Variants in STXBP5L observed in about 807,000 individuals in gnomAD.
The protein encoded by STXBP5L is syntaxin binding protein 5L.
STXBP5L carries 65 observed loss-of-function variants against 144.5 expected under a neutral mutation model. The ratio of observed to expected loss-of-function variants is 0.45; its 90% CI spans 0.37 to 0.55. STXBP5L has a LOEUF of 0.55. STXBP5L is among the 20% of genes least tolerant of loss of function. The pLI, the probability that STXBP5L is intolerant of heterozygous loss-of-function variation, is 0.00. For synonymous variants in STXBP5L, 505 were observed against 469.6 expected (o/e 1.08, Z -0.97); for missense variants, 1,298 against 1,405.5 (o/e 0.92, Z 1.22).
At chr3:121,349,620 G>C (rs1392737330) in intron 20 of STXBP5L, among the ~76,000 whole-genome samples, 1 of 152,190 alleles carries the variant, frequency 6.6e-6, no homozygotes, top group East Asian at 1.9e-4. Flanking sequence ...CTAAGGACTT[G>C]CTTTATGAAT....
At chr3:121,194,008 C>G (rs1249581383) in intron 9 of STXBP5L, among the ~76,000 whole-genome samples, 4 of 151,744 alleles carry the variant, frequency 2.6e-5, no homozygotes, top group African/African-American at 4.8e-5. Context: ...ATTTTAGATG[C>G]TTGCTTTAGT....
intron 26 of STXBP5L, among the ~76,000 whole-genome samples, 184 bp downstream of exon 26, chr3:121,418,741 A>T (rs1441039816): frequency 6.6e-6 from 1 of 150,602 alleles, no homozygotes; most frequent in East Asian, 2.0e-4. Flanking sequence ...TTTTTAAAAA[A>T]ATACTTTAAT....
At chr3:121,369,881 C>T (rs1477078819) in intron 20 of STXBP5L, among the ~76,000 whole-genome samples, 1 of 152,128 alleles carries the variant, frequency 6.6e-6, no homozygotes, top group Non-Finnish European at 1.5e-5. Context: ...TGAATGTTAG[C>T]CTCTCTAGCT....
chr3:121,022,631 C>T (rs1354439461), intron 3 of STXBP5L, among the ~76,000 whole-genome samples: 1 of 151,946 alleles, frequency 6.6e-6, no homozygotes, highest in Non-Finnish European at 1.5e-5. Flanking sequence ...GTGTGATATA[C>T]CACATAAATA....
chr3:121,283,895 T>TGTGTGTG (rs1559934600), intron 19 of STXBP5L, among the ~76,000 whole-genome samples: 1 of 116,168 alleles, frequency 8.6e-6, no homozygotes, highest in African/African-American at 3.4e-5. Context: ...GTGTGTGTGC[T>TGTGTGTG]TGTGTGTGTG....
chr3:121,010,679 ACAGT>A, intron 3 of STXBP5L, among the ~76,000 whole-genome samples: 1 of 152,020 alleles, frequency 6.6e-6, no homozygotes, highest in African/African-American at 2.4e-5. Flanking sequence ...AATAACATAA[ACAGT>A]CAATTAATAC....
At chr3:121,306,508 A>C (rs540326183) in intron 19 of STXBP5L, among the ~76,000 whole-genome samples, 9 of 152,290 alleles carry the variant, frequency 5.9e-5, no homozygotes, top group African/African-American at 2.2e-4. Flanking sequence ...ACCTTTGCCC[A>C]AGGCCCAGAC....
chr3:120,978,800 A>T (rs958186233), intron 3 of STXBP5L, among the ~76,000 whole-genome samples: 1 of 152,184 alleles, frequency 6.6e-6, no homozygotes, highest in Admixed American at 6.5e-5. Context: ...GGAGTTTGCT[A>T]GAGGTCCACT....
At chr3:121,415,712 G>T in intron 24 of STXBP5L, 145 bp from the exon 25 acceptor site, 1 of 493,130 alleles carries the variant, frequency 2.0e-6, no homozygotes, top group Non-Finnish European at 3.6e-6. Flanking sequence ...AGGGAGAACT[G>T]TGAGCACAGC....
chr3:121,004,180 G>A (rs1489061032), intron 3 of STXBP5L, among the ~76,000 whole-genome samples: 1 of 152,168 alleles, frequency 6.6e-6, no homozygotes, highest in African/African-American at 2.4e-5. Context: ...TCCTACCCAT[G>A]ATCATGGAAT....
chr3:121,098,808 T>C (rs1388608742), intron 5 of STXBP5L, among the ~76,000 whole-genome samples: 1 of 152,160 alleles, frequency 6.6e-6, no homozygotes, highest in East Asian at 1.9e-4. Context: ...AGTTTATAAT[T>C]GGCATGTCTG....
At chr3:120,964,360 G>C (rs979583715) in intron 3 of STXBP5L, among the ~76,000 whole-genome samples, 1 of 152,182 alleles carries the variant, frequency 6.6e-6, no homozygotes, top group African/African-American at 2.4e-5. Context: ...TATTAAGTGT[G>C]ATGTTAAGGT....
chr3:120,977,071 C>T (rs1456725487), intron 3 of STXBP5L, among the ~76,000 whole-genome samples: 3 of 152,272 alleles, frequency 2.0e-5, no homozygotes, highest in East Asian at 3.9e-4. Flanking sequence ...CCACTTGGTG[C>T]AGAGCTGAGT....
At chr3:121,167,024 C>G (rs73855347) in intron 9 of STXBP5L, among the ~76,000 whole-genome samples, 2,918 of 152,104 alleles carry the variant, frequency 0.019, 99 homozygotes, top group African/African-American at 0.067. Flanking sequence ...ATATGCCAGA[C>G]TAGAATTAGC....
chr3:120,949,164 C>A (rs1158520000), intron 2 of STXBP5L, among the ~76,000 whole-genome samples: 3 of 151,664 alleles, frequency 2.0e-5, no homozygotes, highest in Non-Finnish European at 4.4e-5. Flanking sequence ...AATTAATGGT[C>A]TTGAGCATTT....
At position 121,259,183 on chromosome 3, in the gene STXBP5L, T is replaced by A. The variant is rs776076717; in HGVS notation, c.1958+15T>A. 1 of 1,521,618 alleles carries A rather than the reference T, an allele frequency of 6.6e-7. No homozygotes were observed. Among genetic ancestry groups the A allele is most frequent in the Non-Finnish European group, 8.8e-7 (1 of 1,131,908 alleles). 94.3% of individuals were successfully genotyped at this position (1,521,618 alleles called of 1,614,324 possible). A position where few individuals can be genotyped will look rare whatever the true frequency, so the allele number is the denominator to read the frequency against. On this transcript the variant is annotated intron_variant, in intron 18 of 26. Coordinates refer to ENST00000471454, the MANE Select transcript of STXBP5L (RefSeq NM_001308330.2). ...GCATATGGAATGTAAGTAATTAAACTTTTTTATGATATGTATTATTTAGCT... is the reference window on the plus strand; with the variant it reads ...GCATATGGAATGTAAGTAATTAAACATTTTTATGATATGTATTATTTAGCT...
Position 121,255,126 on chromosome 3 carries a change from A to C in STXBP5L, c.1659+14A>C. ...ACAGAAATAGTGGTAAGTTATTTAAAATTTAACTTTCACTTTTACAGTTAT... is the reference window on the plus strand; with the variant it reads ...ACAGAAATAGTGGTAAGTTATTTAACATTTAACTTTCACTTTTACAGTTAT... On this transcript the variant is annotated intron_variant, in intron 16 of 26. Transcript: ENST00000471454. 1 of 1,553,046 alleles carries C rather than the reference A, an allele frequency of 6.4e-7. No individual in the cohort carries two copies. Among genetic ancestry groups the C allele is most frequent in the Non-Finnish European group, 8.7e-7 (1 of 1,149,558 alleles).
At chr3:121,378,973 A>G in intron 21 of STXBP5L, 87 bp downstream of exon 21, 1 of 1,355,726 alleles carries the variant, frequency 7.4e-7, no homozygotes, top group Non-Finnish European at 1.0e-6. Context: ...TGGAGATCAC[A>G]TATGAAAGAT....
intron 3 of STXBP5L, among the ~76,000 whole-genome samples, chr3:120,960,345 G>A (rs1261915590): frequency 6.6e-6 from 1 of 152,220 alleles, no homozygotes; most frequent in African/African-American, 2.4e-5. Flanking sequence ...GTGGAAGTCA[G>A]TGTGGCGATT....
Sources: allele counts gnomAD v4.1 joint callset (sites outside exome capture counted in the v4.1 genomes callset), GRCh38; gene constraint gnomAD v4.1.1; transcripts MANE v1.5; gene names NCBI Gene and HGNC (gene_info 2026-07-23, HGNC 2026-07-21).